The following SLC4A4 variants were observed in gnomAD, a reference collection of about 807,000 sequenced individuals.
SLC4A4 encodes the protein solute carrier family 4 member 4.
In SLC4A4, 27 loss-of-function variants were observed where a neutral mutation model predicts 111.5. That is an observed-to-expected ratio of 0.24 (90% CI 0.18 to 0.33). The LOEUF is 0.33. Among genes scored for constraint, SLC4A4 ranks in the 10% least tolerant of loss-of-function variants. The pLI is 1.00. For missense variants in SLC4A4, 909 were observed against 1,315.5 expected, an observed-to-expected ratio of 0.69 and a Z score of 4.78; for synonymous variants, 443 against 463.4, an observed-to-expected ratio of 0.96 and a Z score of 0.57.
chr4:71,569,508 C>T lies in SLC4A4; in HGVS notation c.*1757C>T, dbSNP rs902131270. ...TTAGACATTTATTAACCAAATTTAA[C>T]GTGGTATTTAAAGGTAATATTTTTA... On this transcript the variant is annotated 3_prime_UTR_variant, in exon 26 of 26. Transcript: ENST00000264485. 4.6e-5 allele frequency: 7 copies of T among 151,508 alleles called. No individual in the cohort carries two copies. Among genetic ancestry groups the T allele is most frequent in the South Asian group, 2.1e-4 (1 of 4,816 alleles). The allele number at this position is 151,508 out of a possible 1,614,324, so 9.4% of individuals were successfully genotyped here.
At chr4:71,467,129 C>T (rs1245830004) in intron 13 of SLC4A4, among the ~76,000 whole-genome samples, 1 of 152,028 alleles carries the variant, frequency 6.6e-6, no homozygotes, top group African/African-American at 2.4e-5. Flanking sequence ...CTATTCCTTC[C>T]TTGGCCTTTT....
At chr4:71,352,593 T>G (rs1729940545) in intron 5 of SLC4A4, among the ~76,000 whole-genome samples, 1 of 152,204 alleles carries the variant, frequency 6.6e-6, no homozygotes, top group Non-Finnish European at 1.5e-5. Flanking sequence ...TGTATGACCA[T>G]GGGCAAGGCC....
chr4:71,499,285 T>G (rs1311685070), intron 16 of SLC4A4, among the ~76,000 whole-genome samples: 1 of 152,162 alleles, frequency 6.6e-6, no homozygotes, highest in Non-Finnish European at 1.5e-5. Flanking sequence ...AACTTTGAGA[T>G]GAATGGAGAT....
Position 71,250,137 on chromosome 4 carries a change from T to A in SLC4A4, c.74-5083T>A, listed in dbSNP as rs1034438377. 6.6e-5 allele frequency among the ~76,000 whole-genome samples: 5 copies of A among 75,396 alleles called. No homozygotes were observed. In the Admixed American group the frequency reaches 6.6e-4, roughly 10 times the overall value. 49.5% of individuals were successfully genotyped at this position (75,396 alleles called of 152,430 possible). The stretch of plus-strand genomic sequence containing the variant: ...CTCCGCCTCTTCTACATTTTTCTTT[T>A]CTTAATAAAAAAAAATAAATCTCTT... On this transcript the variant is annotated intron_variant, in intron 2 of 25. Coordinates refer to ENST00000264485, the MANE Select transcript of SLC4A4 (RefSeq NM_001098484.3).
At chr4:71,465,496 T>G (rs1727226573) in intron 12 of SLC4A4, among the ~76,000 whole-genome samples, 2 of 149,204 alleles carry the variant, frequency 1.3e-5, no homozygotes, top group African/African-American at 2.4e-5. Context: ...GTAATCGCGG[T>G]TTTTGCCATT....
At chr4:71,116,747 C>A (rs1330522882) in intron 2 of SLC4A4, among the ~76,000 whole-genome samples, 2 of 152,072 alleles carry the variant, frequency 1.3e-5, no homozygotes, top group African/African-American at 4.8e-5. Context: ...AGTTCGAGAC[C>A]AGCCTGACCA....
intron 16 of SLC4A4, among the ~76,000 whole-genome samples, chr4:71,501,410 C>A (rs927301135): frequency 2.0e-5 from 3 of 151,792 alleles, no homozygotes; most frequent in African/African-American, 7.2e-5. Flanking sequence ...TCCTTTCCTT[C>A]CTTTCATAGG....
At chr4:71,433,981 A>G (rs1192360579) in intron 7 of SLC4A4, among the ~76,000 whole-genome samples, 1 of 152,044 alleles carries the variant, frequency 6.6e-6, no homozygotes, top group Non-Finnish European at 1.5e-5. Flanking sequence ...AAAGCAAGGT[A>G]AAGTATGATG....
chr4:71,229,661 C>T (rs1719275887), intron 1 of SLC4A4, among the ~76,000 whole-genome samples: 1 of 152,118 alleles, frequency 6.6e-6, no homozygotes, highest in African/African-American at 2.4e-5. Flanking sequence ...GTCATCACTG[C>T]TATCAGTCAT....
Position 71,442,732 on chromosome 4 carries a change from G to A in SLC4A4, c.965+1959G>A, listed in dbSNP as rs115098664. 2.2e-3 allele frequency among the ~76,000 whole-genome samples: 339 copies of A among 152,166 alleles called. 1 individual carries two copies. Among genetic ancestry groups the A allele is most frequent in the African/African-American group, 7.6e-3 (316 of 41,494 alleles). ...GGTCATTTTTCTTTTTAAAGGTGGA[G>A]GAAAGTTATGCTGCCATTATTATGA... On this transcript the variant is annotated intron_variant, in intron 8 of 25. Transcript: ENST00000264485.
At chr4:71,128,929 G>A (rs891584798) in intron 2 of SLC4A4, among the ~76,000 whole-genome samples, 4 of 152,116 alleles carry the variant, frequency 2.6e-5, no homozygotes, top group African/African-American at 9.7e-5. Context: ...AACTTCGAGT[G>A]TCTCCTTTTT....
At chr4:71,217,654 T>C (rs943853233) in intron 1 of SLC4A4, among the ~76,000 whole-genome samples, 3 of 152,242 alleles carry the variant, frequency 2.0e-5, no homozygotes, top group Non-Finnish European at 4.4e-5. Context: ...TATTATATGG[T>C]TGCTTTTCAA....
intron 6 of SLC4A4, among the ~76,000 whole-genome samples, chr4:71,370,997 T>C (rs906068482): frequency 2.0e-4 from 30 of 152,318 alleles, no homozygotes; most frequent in African/African-American, 7.2e-4. Flanking sequence ...TCAGCTTTGA[T>C]GTATAATCAC....
chr4:71,079,291 C>A (rs1741926939), intron 1 of SLC4A4, among the ~76,000 whole-genome samples: 1 of 152,160 alleles, frequency 6.6e-6, no homozygotes, highest in African/African-American at 2.4e-5. Flanking sequence ...ATTCCTATCG[C>A]AAGCCCGAGG....
Position 71,204,091 on chromosome 4 carries a change from G to A in SLC4A4, c.-2+16690G>A, listed in dbSNP as rs147316890. Among the ~76,000 whole-genome samples the A allele has an allele frequency of 2.0e-5, 3 of 152,254 alleles. No homozygotes were observed. In the East Asian group the frequency reaches 5.8e-4, roughly 29 times the overall value. ...TATCAAAAGGAGAGGAAGATTCCAT[G>A]CGGTGTTGGCTATTTGATCTAATGG... On this transcript the variant is annotated intron_variant, in intron 1 of 25. Coordinates refer to ENST00000264485, the MANE Select transcript of SLC4A4 (RefSeq NM_001098484.3).
chr4:71,544,064 A>C (rs772340937), intron 18 of SLC4A4, among the ~76,000 whole-genome samples: 5 of 152,116 alleles, frequency 3.3e-5, no homozygotes, highest in Non-Finnish European at 7.4e-5. Flanking sequence ...TCCGGTCCTC[A>C]TATTACTTAC....
chr4:71,474,866 A>G (rs1484293044), intron 14 of SLC4A4, among the ~76,000 whole-genome samples: 1 of 151,814 alleles, frequency 6.6e-6, no homozygotes, highest in Non-Finnish European at 1.5e-5. Context: ...TGTGTCATTC[A>G]ACCCATGATA....
chr4:71,306,707 A>G (rs1725717642), intron 3 of SLC4A4, among the ~76,000 whole-genome samples: 1 of 152,224 alleles, frequency 6.6e-6, no homozygotes, highest in Non-Finnish European at 1.5e-5. Context: ...AGCAATTTTT[A>G]TTTTTCATTT....
rs532142688 is a variant in SLC4A4 at position 71,375,578 on chromosome 4, C to T, written c.730+18391C>T. Among the ~76,000 whole-genome samples the T allele has an allele frequency of 2.6e-5, 4 of 152,284 alleles. No individual in the cohort carries two copies. In the South Asian group the frequency reaches 8.3e-4, roughly 32 times the overall value. On this transcript the variant is annotated intron_variant, in intron 6 of 25. Transcript: ENST00000264485. The stretch of plus-strand genomic sequence containing the variant: ...CTTGAACTCTGATCCTTTTCTGAGA[C>T]TCCTCACATGACATTTATCTCATTC...
Sources: gnomAD v4.1 joint callset for allele counts (sites outside exome capture counted in the v4.1 genomes callset) on GRCh38, gnomAD v4.1.1 for gene constraint, MANE v1.5 for transcripts, NCBI Gene and HGNC (gene_info 2026-07-23, HGNC 2026-07-21) for gene names.